The following DHX32 variants were observed in gnomAD, a reference collection of about 807,000 sequenced individuals.
The protein encoded by DHX32 is putative pre-mRNA-splicing factor ATP-dependent RNA helicase DHX32.
Under a neutral mutation model 70.0 loss-of-function variants are expected in DHX32, and 51 were observed. The observed-to-expected ratio is 0.73, with a 90% CI of 0.58 to 0.92. The LOEUF is 0.92. Ranked by LOEUF, DHX32 falls within the 40% of genes least tolerant of loss-of-function variation. The pLI is 0.00. For missense variants in DHX32, 762 were observed against 891.8 expected (o/e 0.85, Z 1.85); for synonymous variants, 310 against 315.3 (o/e 0.98, Z 0.18).
At chr10:125,887,134 T>C (rs74701327) in intron 1 of DHX32, among the ~76,000 whole-genome samples, 2 of 152,226 alleles carry the variant, frequency 1.3e-5, no homozygotes, top group African/African-American at 4.8e-5. Flanking sequence ...TTACCATCGA[T>C]ATCATTCATA....
At chr10:125,885,308 A>G (rs1416891311), upstream of DHX32, among the ~76,000 whole-genome samples, 1 of 152,156 alleles carries the variant, frequency 6.6e-6, no homozygotes, top group Non-Finnish European at 1.5e-5. Flanking sequence ...CCTGGAACCT[A>G]TGAATATGTA....
chr10:125,848,134 G>T (rs1227065615), intron 6 of DHX32, among the ~76,000 whole-genome samples: 4 of 152,158 alleles, frequency 2.6e-5, no homozygotes, highest in Non-Finnish European at 5.9e-5. Context: ...GTTGGGACTT[G>T]GGCATTGTGT....
chr10:125,871,994 C>G (rs1007451682), intron 1 of DHX32, among the ~76,000 whole-genome samples: 1 of 151,968 alleles, frequency 6.6e-6, no homozygotes, highest in African/African-American at 2.4e-5. Flanking sequence ...TCCCAAGTAG[C>G]TGGGATTACA....
At chr10:125,841,968 T>C (rs1854893746) in intron 6 of DHX32, 34 bp from the exon 7 acceptor site, 1 of 1,538,506 alleles carries the variant, frequency 6.5e-7, no homozygotes, top group Non-Finnish European at 8.7e-7. Context: ...TTTAAGAGTC[T>C]CATATGGCTA....
chr10:125,874,516 A>G (rs1944273072), intron 1 of DHX32, among the ~76,000 whole-genome samples: 1 of 152,256 alleles, frequency 6.6e-6, no homozygotes, highest in East Asian at 1.9e-4. Flanking sequence ...GATAAATTCT[A>G]AAACTCAAGA....
intron 4 of DHX32, 190 bp downstream of exon 4, chr10:125,853,771 C>T (rs375622081): frequency 1.6e-6 from 1 of 607,906 alleles, no homozygotes; most frequent in East Asian, 3.1e-5. Flanking sequence ...TCCAAACCTC[C>T]AACATGCTAA....
At chr10:125,843,813 C>T (rs937574931) in intron 6 of DHX32, among the ~76,000 whole-genome samples, 2 of 152,204 alleles carry the variant, frequency 1.3e-5, no homozygotes, top group Non-Finnish European at 2.9e-5. Flanking sequence ...GCGCCCACCA[C>T]AGGCAAAAGA....
At chr10:125,851,409 T>C (rs1944087811) in intron 6 of DHX32, among the ~76,000 whole-genome samples, 2 of 152,128 alleles carry the variant, frequency 1.3e-5, no homozygotes, top group African/African-American at 2.4e-5. Context: ...CACAGTGAGA[T>C]AGTTTGCTTT....
intron 2 of DHX32, 149 bp from the exon 3 acceptor site, chr10:125,860,124 A>ATC (rs2134054016): frequency 1.5e-6 from 1 of 677,230 alleles, no homozygotes; most frequent in South Asian, 2.4e-5. Flanking sequence ...AAGTTGATAC[A>ATC]ATCTACAGAA....
chr10:125,867,244 C>T, intron 1 of DHX32, 61 bp from the exon 2 acceptor site: 1 of 1,394,250 alleles, frequency 7.2e-7, no homozygotes, highest in Non-Finnish European at 9.7e-7. Flanking sequence ...AGAGACATCT[C>T]TGTCTTACAG....
chr10:125,858,480 T>A (rs1944162331), intron 3 of DHX32, among the ~76,000 whole-genome samples: 1 of 152,226 alleles, frequency 6.6e-6, no homozygotes, highest in South Asian at 2.1e-4. Flanking sequence ...GCAGTCATAT[T>A]GAGGTTCTAG....
At chr10:125,843,113 A>G (rs377269827) in intron 6 of DHX32, among the ~76,000 whole-genome samples, 33 of 152,178 alleles carry the variant, frequency 2.2e-4, no homozygotes, top group East Asian at 1.9e-3. Context: ...AAATCCCATA[A>G]TAGAAAGCTG....
rs1289376309 is a variant in DHX32 at position 125,841,941 on chromosome 10, A to G, written c.1352-7T>C. The stretch of plus-strand genomic sequence containing the variant: ...TGCATCAAACTTTCTGGTGCTAGGA[A>G]AGGAAAAAAATAATAATTTAAGAGT... On this transcript the variant is annotated splice_region_variant and splice_polypyrimidine_tract_variant and intron_variant, in intron 6 of 10. Coordinates refer to ENST00000284690, the MANE Select transcript of DHX32 (RefSeq NM_018180.3). The G allele has an allele frequency of 6.3e-7, 1 of 1,578,476 alleles. No homozygotes were observed. Among genetic ancestry groups the G allele is most frequent in the Non-Finnish European group, 8.6e-7 (1 of 1,169,352 alleles).
intron 8 of DHX32, 102 bp downstream of exon 8, chr10:125,840,745 G>T (rs939583262): frequency 1.5e-6 from 2 of 1,352,900 alleles, no homozygotes; most frequent in Non-Finnish European, 2.0e-6. Context: ...CAAGTGGCCA[G>T]TAGGGCTGGC....
At chr10:125,845,045 A>G (rs1564824029) in intron 6 of DHX32, among the ~76,000 whole-genome samples, 1 of 152,086 alleles carries the variant, frequency 6.6e-6, no homozygotes, top group Non-Finnish European at 1.5e-5. Flanking sequence ...TCAGTAGAAA[A>G]CCTAGTTACA....
chr10:125,838,178 A>G, intron 10 of DHX32, 28 bp downstream of exon 10: 1 of 1,537,062 alleles, frequency 6.5e-7, no homozygotes, highest in Non-Finnish European at 8.7e-7. Context: ...AAAAAAAAAT[A>G]CAACCCTTTC....
intron 2 of DHX32, among the ~76,000 whole-genome samples, chr10:125,861,579 G>T (rs1944189219): frequency 6.6e-6 from 1 of 152,172 alleles, no homozygotes; most frequent in African/African-American, 2.4e-5. Flanking sequence ...TGGGAGTCTG[G>T]AATTTTGAAA....
intron 1 of DHX32, among the ~76,000 whole-genome samples, chr10:125,870,468 A>C (rs1944249330): frequency 6.6e-6 from 1 of 152,198 alleles, no homozygotes; most frequent in Admixed American, 6.5e-5. Context: ...ACTACATCAC[A>C]GTTGCTTCTA....
intron 1 of DHX32, among the ~76,000 whole-genome samples, chr10:125,892,555 C>T (rs77639120): frequency 4.1e-5 from 6 of 147,664 alleles, no homozygotes; most frequent in African/African-American, 1.3e-4. Context: ...CAATAAACCA[C>T]GGCTTAGTTG....
Sources: allele counts gnomAD v4.1 joint callset (sites outside exome capture counted in the v4.1 genomes callset), GRCh38; gene constraint gnomAD v4.1.1; transcripts MANE v1.5; gene names NCBI Gene and HGNC (gene_info 2026-07-23, HGNC 2026-07-21).